SSBP3: variants seen among roughly 807,000 people sequenced by gnomAD.
SSBP3 encodes the protein single stranded DNA binding protein 3.
A neutral mutation model predicts 69.6 loss-of-function variants in SSBP3; 5 were observed. The ratio of observed to expected loss-of-function variants is 0.07; its 90% CI spans 0.04 to 0.15. The LOEUF is 0.15. Among genes scored for constraint, SSBP3 ranks in the 10% least tolerant of loss-of-function variants. The pLI is 1.00. For synonymous variants in SSBP3, 196 were observed against 193.4 expected, an observed-to-expected ratio of 1.01 and a Z score of -0.11; for missense variants, 312 against 534.0, an observed-to-expected ratio of 0.58 and a Z score of 4.10.
At chr1:54,339,210 C>A (rs960400933) in intron 4 of SSBP3, among the ~76,000 whole-genome samples, 1 of 152,048 alleles carries the variant, frequency 6.6e-6, no homozygotes, top group African/African-American at 2.4e-5. Context: ...AGAAGGGGGT[C>A]TTATCTTATC....
At chr1:54,276,299 G>A (rs1289846466) in intron 5 of SSBP3, among the ~76,000 whole-genome samples, 1 of 152,066 alleles carries the variant, frequency 6.6e-6, no homozygotes, top group African/African-American at 2.4e-5. Context: ...CTGTCACGCA[G>A]CATCCATCAT....
intron 4 of SSBP3, among the ~76,000 whole-genome samples, chr1:54,299,659 A>T (rs1311078089): frequency 6.6e-6 from 1 of 152,148 alleles, no homozygotes; most frequent in African/African-American, 2.4e-5. Context: ...AGGCCGGCCC[A>T]CTTTCTCAGG....
intron 4 of SSBP3, among the ~76,000 whole-genome samples, chr1:54,294,000 C>T (rs566361062): frequency 4.0e-5 from 6 of 151,470 alleles, no homozygotes; most frequent in South Asian, 4.2e-4. Flanking sequence ...ATTAGCCAGG[C>T]GTGGTGGTGG....
chr1:54,319,362 G>A (rs1646172295), intron 4 of SSBP3, among the ~76,000 whole-genome samples: 1 of 152,088 alleles, frequency 6.6e-6, no homozygotes, highest in African/African-American at 2.4e-5. Context: ...TGACAATGTA[G>A]ACGTGAATGG....
intron 5 of SSBP3, among the ~76,000 whole-genome samples, chr1:54,268,612 C>G (rs1340654843): frequency 6.6e-6 from 1 of 152,256 alleles, no homozygotes; most frequent in African/African-American, 2.4e-5. Context: ...AAGAACGGAA[C>G]AGCAAAGTCT....
rs1055671557 is a variant in SSBP3, at chr1:54,232,862, C to T, written c.928-4036G>A. Among the ~76,000 whole-genome samples, 35 of 152,342 alleles carry T rather than the reference C, an allele frequency of 2.3e-4. No homozygotes were observed. The South Asian group carries it at 3.5e-3, about 15-fold the overall frequency. ...CCTCCCGAGGTGCCGGGATTGCAGA[C>T]GGAGTCTCGTTCACTCAGTGCTCAA... On this transcript the variant is annotated intron_variant, in intron 14 of 17. Transcript: ENST00000610401.
intron 3 of SSBP3, among the ~76,000 whole-genome samples, chr1:54,403,760 ATG>A (rs1649476036): frequency 6.6e-6 from 1 of 152,160 alleles, no homozygotes; most frequent in South Asian, 2.1e-4. Context: ...TTTCAAAAGG[ATG>A]TCAAAGACTC....
intron 7 of SSBP3, among the ~76,000 whole-genome samples, chr1:54,254,130 C>A (rs944596608): frequency 2.0e-5 from 3 of 152,230 alleles, no homozygotes; most frequent in Non-Finnish European, 4.4e-5. Context: ...ATATATGGGA[C>A]CATAATTACA....
intron 14 of SSBP3, among the ~76,000 whole-genome samples, chr1:54,232,329 C>CTCTG (rs1184148277): frequency 2.0e-5 from 3 of 152,292 alleles, no homozygotes; most frequent in East Asian, 3.9e-4. Flanking sequence ...TGAGGTCTTG[C>CTCTG]TCTGTCACCC....
At chr1:54,385,044 C>A (rs1299760057) in intron 4 of SSBP3, among the ~76,000 whole-genome samples, 1 of 152,120 alleles carries the variant, frequency 6.6e-6, no homozygotes, top group Admixed American at 6.5e-5. Context: ...TACTTCCTAA[C>A]CAAAAGAAAA....
intron 4 of SSBP3, among the ~76,000 whole-genome samples, chr1:54,342,095 A>C (rs1646618761): frequency 6.6e-6 from 1 of 152,196 alleles, no homozygotes; most frequent in Admixed American, 6.5e-5. Flanking sequence ...GATCTGGGCA[A>C]AGTTTCCCTG....
chr1:54,358,843 T>A (rs1646909009), intron 4 of SSBP3, among the ~76,000 whole-genome samples: 1 of 152,180 alleles, frequency 6.6e-6, no homozygotes, highest in African/African-American at 2.4e-5. Context: ...GGGATTAAGC[T>A]AAACCTCACT....
intron 4 of SSBP3, among the ~76,000 whole-genome samples, chr1:54,381,261 C>T (rs1018876501): frequency 6.6e-6 from 1 of 151,314 alleles, no homozygotes; most frequent in African/African-American, 2.4e-5. Context: ...CGTGCGCCTG[C>T]AGTCCCAGCT....
At chr1:54,412,124 C>T (rs1362526417) in intron 1 of SSBP3, among the ~76,000 whole-genome samples, 1 of 152,096 alleles carries the variant, frequency 6.6e-6, no homozygotes, top group African/African-American at 2.4e-5. Context: ...TCATTTCCTC[C>T]AGGTCAAATC....
In SSBP3 at chr1:54,240,977, C is replaced by G; in HGVS notation, c.802-18G>C. 6.2e-7 allele frequency: 1 copy of G among 1,602,404 alleles called. No homozygotes were observed. Among genetic ancestry groups the G allele is most frequent in the Admixed American group, 1.7e-5 (1 of 58,474 alleles). ...GGGGGTCCCTAAAGATGAGACAAAACTGACATCAGACACCCACGGTGGTAA... is the reference window on the plus strand; with the variant it reads ...GGGGGTCCCTAAAGATGAGACAAAAGTGACATCAGACACCCACGGTGGTAA... On this transcript the variant is annotated intron_variant, in intron 12 of 17. Transcript: ENST00000610401.
At chr1:54,243,432 T>A in intron 9 of SSBP3, 133 bp from the exon 10 acceptor site, 1 of 1,147,740 alleles carries the variant, frequency 8.7e-7, no homozygotes, top group Non-Finnish European at 1.3e-6. Flanking sequence ...AATAATACAT[T>A]CTTTCAAAAA....
intron 1 of SSBP3, among the ~76,000 whole-genome samples, chr1:54,411,887 GTC>G (rs1650003284): frequency 2.7e-5 from 3 of 109,754 alleles, no homozygotes; most frequent in Non-Finnish European, 6.0e-5. Context: ...GCGAGACTCC[GTC>G]TCAAAAAAAA....
intron 4 of SSBP3, among the ~76,000 whole-genome samples, chr1:54,385,950 G>A (rs1017594184): frequency 6.6e-6 from 1 of 152,120 alleles, no homozygotes; most frequent in African/African-American, 2.4e-5. Flanking sequence ...AAGTAAAGTC[G>A]CTTCCTTTTT....
intron 4 of SSBP3, among the ~76,000 whole-genome samples, chr1:54,313,133 T>C (rs1646034534): frequency 6.7e-6 from 1 of 149,302 alleles, no homozygotes; most frequent in Non-Finnish European, 1.5e-5. Context: ...TTTGTAGAAG[T>C]GAACAATCCA....
Sources: allele counts gnomAD v4.1 joint callset (sites outside exome capture counted in the v4.1 genomes callset), GRCh38; gene constraint gnomAD v4.1.1; transcripts MANE v1.5; gene names NCBI Gene and HGNC (gene_info 2026-07-23, HGNC 2026-07-21).